The following PLCH1 variants were observed in gnomAD, a reference collection of about 807,000 sequenced individuals.
PLCH1 encodes phospholipase C eta 1, also known as 1-phosphatidylinositol 4,5-bisphosphate phosphodiesterase eta-1.
In PLCH1, 60 loss-of-function variants were observed where a neutral mutation model predicts 126.7. The ratio of observed to expected loss-of-function variants is 0.47; its 90% CI spans 0.38 to 0.59. PLCH1 has a LOEUF of 0.59. Ranked by LOEUF, PLCH1 falls within the 20% of genes least tolerant of loss-of-function variation. The pLI, the probability that PLCH1 is intolerant of heterozygous loss-of-function variation, is 0.00. For missense variants in PLCH1, 1,723 were observed against 2,040.0 expected (o/e 0.84, Z 2.99); for synonymous variants, 719 against 734.9 (o/e 0.98, Z 0.35).
rs1380878162 is a variant in PLCH1, at chr3:155,669,762, T to C, written c.79+34384A>G. 2.0e-5 allele frequency among the ~76,000 whole-genome samples: 3 copies of C among 152,134 alleles called. No individual in the cohort carries two copies. The East Asian group carries it at 5.8e-4, about 29-fold the overall frequency. ...ATACTCATGGTGTGAGAGGCACCTG[T>C]TTACTAAGTCCAACTGAAGACCTGT... is the stretch of plus-strand genomic sequence containing the variant. On this transcript the variant is annotated intron_variant, in intron 2 of 22. Coordinates refer to ENST00000460012, the MANE Select transcript of PLCH1 (RefSeq NM_014996.4).
chr3:155,551,224 C>T (rs1250083235), intron 9 of PLCH1, among the ~76,000 whole-genome samples: 1 of 152,002 alleles, frequency 6.6e-6, no homozygotes, highest in East Asian at 1.9e-4. Context: ...GCAGGCAGAT[C>T]ACTTGAGGCC....
chr3:155,514,788 C>G lies in PLCH1; in HGVS notation c.1567G>C (p.Asp523His). The G allele has an allele frequency of 6.2e-7, 1 of 1,613,290 alleles. No individual in the cohort carries two copies. The highest frequency in any genetic ancestry group is 8.5e-7 in the Non-Finnish European group (1 of 1,179,436). Residue 523 changes from aspartate (D) to histidine (H), a missense_variant, in exon 12 of 23, where the codon GAT becomes CAT. By Grantham distance (81) the Asp-to-His change is moderately conservative (BLOSUM62 -1). Coordinates refer to ENST00000460012, the MANE Select transcript of PLCH1 (RefSeq NM_014996.4). ...AGTAGTGCCCGCACTGTGAAACTAT[C>G]AGGATCTTCTTTATCTCGAATTTGA... ...ESQIRDKEDP[D>H]SFTVRALLKA...
At chr3:155,571,175 A>G (rs902741812) in intron 6 of PLCH1, among the ~76,000 whole-genome samples, 8 of 152,218 alleles carry the variant, frequency 5.3e-5, no homozygotes, top group African/African-American at 1.9e-4. Flanking sequence ...GTAAACAATT[A>G]TATTTCTTAT....
At chr3:155,605,367 T>A (rs1193664097) in intron 2 of PLCH1, among the ~76,000 whole-genome samples, 1 of 152,234 alleles carries the variant, frequency 6.6e-6, no homozygotes, top group Admixed American at 6.5e-5. Context: ...CTAGAAATAT[T>A]TCTTGCTTGT....
At chr3:155,526,431 CTCTCTCTCTCTTTT>C (rs1341230078) in intron 10 of PLCH1, among the ~76,000 whole-genome samples, 2 of 151,192 alleles carry the variant, frequency 1.3e-5, no homozygotes, top group Admixed American at 6.6e-5. Flanking sequence ...TTCTGTCTCT[CTCTCTCTCTCTTTT>C]TCTCTCTCTC....
chr3:155,713,786 G>T (rs1433364706), intron 1 of PLCH1, among the ~76,000 whole-genome samples: 1 of 152,038 alleles, frequency 6.6e-6, no homozygotes, highest in Non-Finnish European at 1.5e-5. Flanking sequence ...TCACAAAAAG[G>T]GATGGCAGTG....
chr3:155,634,392 C>A (rs1365714561), intron 2 of PLCH1, among the ~76,000 whole-genome samples: 1 of 152,118 alleles, frequency 6.6e-6, no homozygotes, highest in Non-Finnish European at 1.5e-5. Context: ...GGGGGAAAAG[C>A]CTCTTTTCCC....
intron 22 of PLCH1, 21 bp from the exon 23 acceptor site, chr3:155,483,072 T>A (rs780878125): frequency 6.2e-7 from 1 of 1,601,374 alleles, no homozygotes; most frequent in Non-Finnish European, 8.5e-7. Flanking sequence ...CAAACAATAT[T>A]TTAGGTGACA....
At chr3:155,603,208 A>G (rs1733964111) in intron 2 of PLCH1, among the ~76,000 whole-genome samples, 1 of 152,228 alleles carries the variant, frequency 6.6e-6, no homozygotes, top group Non-Finnish European at 1.5e-5. Flanking sequence ...AGGTACATAA[A>G]AAATGTGAAC....
At chr3:155,473,766 A>G in intron 21 of PLCH1, among the ~76,000 whole-genome samples, 3 of 151,110 alleles carry the variant, frequency 2.0e-5, no homozygotes, top group African/African-American at 4.9e-5. Context: ...CTCAGAAATA[A>G]CACCACATAT....
chr3:155,616,307 G>C (rs1735792048), intron 2 of PLCH1, among the ~76,000 whole-genome samples: 1 of 152,204 alleles, frequency 6.6e-6, no homozygotes, highest in Non-Finnish European at 1.5e-5. Flanking sequence ...AAAACTGAAA[G>C]TTTAAGCAAG....
chr3:155,574,422 A>ACTCCC (rs1729660859), intron 6 of PLCH1, among the ~76,000 whole-genome samples: 3 of 152,176 alleles, frequency 2.0e-5, no homozygotes, highest in Admixed American at 2.0e-4. Context: ...CCCCTGGGCA[A>ACTCCC]ATGGAGTTGC....
chr3:155,461,086 G>T (rs1712707277), intron 21 of PLCH1, among the ~76,000 whole-genome samples: 1 of 152,140 alleles, frequency 6.6e-6, no homozygotes, highest in African/African-American at 2.4e-5. Flanking sequence ...CTGGGTCTGT[G>T]TTAATTCTAC....
At chr3:155,620,308 A>G (rs1465618771) in intron 2 of PLCH1, among the ~76,000 whole-genome samples, 3 of 152,230 alleles carry the variant, frequency 2.0e-5, no homozygotes, top group African/African-American at 7.2e-5. Flanking sequence ...ATAGTTACAC[A>G]TACTAACGTA....
intron 8 of PLCH1, among the ~76,000 whole-genome samples, chr3:155,563,740 G>A (rs1171724094): frequency 6.6e-6 from 1 of 151,752 alleles, no homozygotes; most frequent in Non-Finnish European, 1.5e-5. Flanking sequence ...ACCTTTCACT[G>A]GCCCCTCATT....
At chr3:155,603,962 C>T (rs1047614205) in intron 2 of PLCH1, among the ~76,000 whole-genome samples, 4 of 151,882 alleles carry the variant, frequency 2.6e-5, no homozygotes, top group Admixed American at 1.3e-4. Context: ...AACCAGGTCT[C>T]GTGGCACAAA....
intron 4 of PLCH1, among the ~76,000 whole-genome samples, chr3:155,593,548 C>T (rs1732482360): frequency 6.6e-6 from 1 of 152,154 alleles, no homozygotes; most frequent in Non-Finnish European, 1.5e-5. Context: ...GACTTTATAA[C>T]AAAGTAGGAT....
rs184027996 is a variant in PLCH1, at chr3:155,570,350, A to C, written c.772-2026T>G. On this transcript the variant is annotated intron_variant, in intron 6 of 22. Transcript: ENST00000460012. ...TTTTGCTTCCTATTTGACAGAGCTG[A>C]TAGAGAGAAATAGGAATTTCTCCCT... 2.0e-5 allele frequency among the ~76,000 whole-genome samples: 3 copies of C among 152,274 alleles called. 1 individual carries two copies. The highest frequency in any genetic ancestry group is 7.2e-5 in the African/African-American group (3 of 41,548).
At chr3:155,675,115 G>A (rs1419868094) in intron 2 of PLCH1, among the ~76,000 whole-genome samples, 1 of 152,132 alleles carries the variant, frequency 6.6e-6, no homozygotes, top group East Asian at 1.9e-4. Context: ...TGAATAAAAA[G>A]CAAACATCAA....
Sources: allele counts gnomAD v4.1 joint callset (sites outside exome capture counted in the v4.1 genomes callset), GRCh38; gene constraint gnomAD v4.1.1; transcripts MANE v1.5; gene names NCBI Gene and HGNC (gene_info 2026-07-23, HGNC 2026-07-21).